Variants in RAB38 observed in about 807,000 individuals in gnomAD.
RAB38 encodes ras-related protein Rab-38.
Under a neutral mutation model 18.4 loss-of-function variants are expected in RAB38, and 15 were observed. That is an observed-to-expected ratio of 0.82 (90% CI 0.55 to 1.26). The LOEUF (loss-of-function observed/expected upper bound fraction) is 1.26. Among genes scored for constraint, RAB38 ranks in the 50% most tolerant of loss-of-function variants. RAB38 has a pLI of 0.00. For missense variants in RAB38, 294 were observed against 267.4 expected, an observed-to-expected ratio of 1.10 and a Z score of -0.69; for synonymous variants, 101 against 104.4, an observed-to-expected ratio of 0.97 and a Z score of 0.20.
the RAB38 span, among the ~76,000 whole-genome samples, chr11:87,909,995 G>A: frequency 6.6e-6 from 1 of 152,130 alleles, no homozygotes; most frequent in South Asian, 2.1e-4. Context: ...GTGTTTTTCA[G>A]CGTGGTTAGA....
chr11:88,112,781 C>T (rs1428147288), downstream of RAB38, among the ~76,000 whole-genome samples: 1 of 134,680 alleles, frequency 7.4e-6, no homozygotes, highest in Non-Finnish European at 1.6e-5. Flanking sequence ...TCAACAACAA[C>T]AACAACAACA....
the RAB38 span, among the ~76,000 whole-genome samples, chr11:87,839,158 T>A: frequency 6.6e-6 from 1 of 152,204 alleles, no homozygotes; most frequent in East Asian, 1.9e-4. Flanking sequence ...TGTTAGAAAG[T>A]AAACTCCTAG....
the RAB38 span, among the ~76,000 whole-genome samples, chr11:87,905,407 G>A: frequency 5.9e-5 from 9 of 151,532 alleles, no homozygotes; most frequent in Non-Finnish European, 8.8e-5. Context: ...GTGTCTTTGC[G>A]TGTCTACTCA....
the RAB38 span, among the ~76,000 whole-genome samples, chr11:87,804,699 C>T: frequency 6.6e-6 from 1 of 152,084 alleles, no homozygotes; most frequent in South Asian, 2.1e-4. Context: ...TCTGGGAATT[C>T]CATCATCTCC....
intron 1 of RAB38, among the ~76,000 whole-genome samples, chr11:88,155,686 A>G (rs929073568): frequency 5.9e-5 from 9 of 152,210 alleles, no homozygotes; most frequent in African/African-American, 2.2e-4. Flanking sequence ...AAAGGTCCCT[A>G]ATGAAAATAG....
the RAB38 span, among the ~76,000 whole-genome samples, chr11:87,977,787 A>G: frequency 8.9e-6 from 1 of 112,530 alleles, no homozygotes; most frequent in East Asian, 2.8e-4. Context: ...ATTATATCAT[A>G]GTTATATATA....
chr11:88,157,621 A>T (rs1326669955), intron 1 of RAB38, among the ~76,000 whole-genome samples: 1 of 152,188 alleles, frequency 6.6e-6, no homozygotes, highest in African/African-American at 2.4e-5. Context: ...TTCGAAAAAA[A>T]TTGAAAATAT....
the RAB38 span, among the ~76,000 whole-genome samples, chr11:87,977,624 T>C: frequency 1.7e-5 from 2 of 118,802 alleles, no homozygotes; most frequent in East Asian, 5.1e-4. Flanking sequence ...AATTATGTAA[T>C]TGTATATTAT....
chr11:87,952,550 G>C, the RAB38 span, among the ~76,000 whole-genome samples: 1 of 152,132 alleles, frequency 6.6e-6, no homozygotes, highest in African/African-American at 2.4e-5. Flanking sequence ...CAGGGCAATG[G>C]GAGCTAAAGC....
the RAB38 span, among the ~76,000 whole-genome samples, chr11:87,971,696 T>C: frequency 2.0e-5 from 3 of 152,228 alleles, no homozygotes; most frequent in African/African-American, 4.8e-5. Context: ...AACCAGGTTC[T>C]AATATATGGA....
chr11:87,896,874 G>T, the RAB38 span, among the ~76,000 whole-genome samples: 1 of 151,638 alleles, frequency 6.6e-6, no homozygotes, highest in African/African-American at 2.4e-5. Flanking sequence ...AAAAGAGCTA[G>T]TATCTTCTTC....
the RAB38 span, among the ~76,000 whole-genome samples, chr11:87,934,105 C>A: frequency 2.6e-5 from 4 of 152,094 alleles, no homozygotes; most frequent in African/African-American, 4.8e-5. Flanking sequence ...TGTCCTGGAC[C>A]ACTCAGTGAA....
At position 88,149,675 on chromosome 11, in the gene RAB38, C is replaced by A. The variant is rs1441211216; in HGVS notation, c.483G>T (p.Lys161Asn). The A allele has an allele frequency of 6.2e-7, 1 of 1,605,712 alleles. No homozygotes were observed. The highest frequency in any genetic ancestry group is 8.5e-7 in the Non-Finnish European group (1 of 1,173,842). The change falls in exon 2 of 3, where the codon AAG (lysine) becomes AAT (asparagine). Residue 161 changes from lysine (K) to asparagine (N), a missense_variant and splice_region_variant. By Grantham distance (94) the Lys-to-Asn change is moderately conservative. Coordinates refer to ENST00000243662, the MANE Select transcript of RAB38 (RefSeq NM_022337.3). ...AGCTTATTATTTAAAGTCACATTAC[C>A]TTTGCTGATGTTTCAAACCATCCTA... Reference protein sequence around the residue: ...GFVGWFETSAKENINIDEASR... With the variant: ...GFVGWFETSANENINIDEASR...
chr11:88,093,498 T>A, the RAB38 span, among the ~76,000 whole-genome samples: 1 of 151,516 alleles, frequency 6.6e-6, no homozygotes, highest in Admixed American at 6.6e-5. Context: ...AAAAAAAAAA[T>A]TAATATCTTC....
chr11:88,103,908 T>C, the RAB38 span, among the ~76,000 whole-genome samples: 3 of 152,126 alleles, frequency 2.0e-5, no homozygotes, highest in Non-Finnish European at 2.9e-5. Context: ...ACAAGTGTCC[T>C]TCCTTACCAG....
chr11:88,067,588 T>C, the RAB38 span, among the ~76,000 whole-genome samples: 1 of 152,128 alleles, frequency 6.6e-6, no homozygotes, highest in Non-Finnish European at 1.5e-5. Context: ...CATTCAATTA[T>C]CAGTGATGTT....
chr11:88,155,675 C>G (rs1943116634), intron 1 of RAB38, among the ~76,000 whole-genome samples: 1 of 152,086 alleles, frequency 6.6e-6, no homozygotes, highest in Non-Finnish European at 1.5e-5. Flanking sequence ...AGCTTTCCAG[C>G]AAAGGTCCCT....
At chr11:88,042,899 C>G in the RAB38 span, among the ~76,000 whole-genome samples, 1 of 152,182 alleles carries the variant, frequency 6.6e-6, no homozygotes, top group African/African-American at 2.4e-5. Context: ...AATGTCTTTA[C>G]AGAGGGTAAT....
chr11:88,127,754 G>C (rs575512539), intron 2 of RAB38, among the ~76,000 whole-genome samples: 5 of 152,306 alleles, frequency 3.3e-5, no homozygotes, highest in African/African-American at 1.2e-4. Context: ...CTCTCTGATA[G>C]ACCAATGCTC....
Sources: gnomAD v4.1 joint callset for allele counts (sites outside exome capture counted in the v4.1 genomes callset) on GRCh38, gnomAD v4.1.1 for gene constraint, MANE v1.5 for transcripts, NCBI Gene and HGNC (gene_info 2026-07-23, HGNC 2026-07-21) for gene names.